Variants in CALN1 observed in about 807,000 individuals in gnomAD.
CALN1 encodes calcium-binding protein 8.
CALN1 carries 17 observed loss-of-function variants against 30.6 expected under a neutral mutation model. The ratio of observed to expected loss-of-function variants is 0.56; its 90% CI spans 0.38 to 0.83. CALN1 has a LOEUF of 0.83. Among genes scored for constraint, CALN1 ranks in the 40% least tolerant of loss-of-function variants. CALN1 has a pLI of 0.00. For missense variants in CALN1, 291 were observed against 354.9 expected (o/e 0.82, Z 1.45); for synonymous variants, 156 against 131.4 (o/e 1.19, Z -1.28).
At chr7:72,054,480 CATATATATATACAT>C (rs1803090102) in intron 4 of CALN1, among the ~76,000 whole-genome samples, 1 of 73,610 alleles carries the variant, frequency 1.4e-5, no homozygotes, top group Non-Finnish European at 2.4e-5. Flanking sequence ...TATATACATA[CATATATATATACAT>C]ATATACATAT....
chr7:72,074,355 C>G (rs1804595583), intron 4 of CALN1, among the ~76,000 whole-genome samples: 1 of 152,164 alleles, frequency 6.6e-6, no homozygotes, highest in Non-Finnish European at 1.5e-5. Flanking sequence ...CCTCTCAGGG[C>G]CACCTCAATG....
At chr7:71,934,697 C>G (rs776071749) in intron 5 of CALN1, among the ~76,000 whole-genome samples, 7 of 152,252 alleles carry the variant, frequency 4.6e-5, no homozygotes, top group Non-Finnish European at 8.8e-5. Context: ...ACCTCCAACA[C>G]TGAGGGTTGT....
At chr7:72,162,137 A>G (rs1339679708) in intron 3 of CALN1, among the ~76,000 whole-genome samples, 3 of 151,940 alleles carry the variant, frequency 2.0e-5, no homozygotes, top group African/African-American at 7.2e-5. Context: ...AATAAATTAC[A>G]TCTTTGCTAC....
chr7:71,902,969 G>T (rs1793941158), intron 5 of CALN1, among the ~76,000 whole-genome samples: 1 of 151,834 alleles, frequency 6.6e-6, no homozygotes, highest in African/African-American at 2.4e-5. Flanking sequence ...TTGGAAGCTT[G>T]GAAGGGTAGG....
chr7:72,476,977 A>T, the CALN1 span, among the ~76,000 whole-genome samples: 1 of 152,216 alleles, frequency 6.6e-6, no homozygotes, highest in East Asian at 1.9e-4. Context: ...TTGGGAGGCC[A>T]AGGCAGGTGG....
rs564854440 is a variant in CALN1 at position 72,313,430 on chromosome 7, C to G, written c.120-34620G>C. Reference sequence around the variant, plus strand: ...TCTTTGAGACAGAGTATCACTGTGTCACCCAGGCTGAAGTGGAGTGATACA... The same window carrying G: ...TCTTTGAGACAGAGTATCACTGTGTGACCCAGGCTGAAGTGGAGTGATACA... On this transcript the variant is annotated intron_variant, in intron 2 of 6. Coordinates refer to ENST00000395275, the MANE Select transcript of CALN1 (RefSeq NM_031468.4). Among the ~76,000 whole-genome samples, 9 of 152,232 alleles carry G rather than the reference C, an allele frequency of 5.9e-5. No individual in the cohort carries two copies. In the South Asian group the frequency reaches 1.9e-3, roughly 32 times the overall value.
At chr7:72,396,845 A>G (rs2129561744) in intron 2 of CALN1, among the ~76,000 whole-genome samples, 1 of 152,332 alleles carries the variant, frequency 6.6e-6, no homozygotes, top group Admixed American at 6.5e-5. Flanking sequence ...GTTGAAGGTT[A>G]GAAGTATATA....
chr7:72,064,009 C>A (rs1803846943), intron 4 of CALN1, among the ~76,000 whole-genome samples: 1 of 152,188 alleles, frequency 6.6e-6, no homozygotes, highest in Non-Finnish European at 1.5e-5. Context: ...CACGGTGGCT[C>A]ATGCCTGTAA....
At chr7:71,844,030 T>A (rs1199104003) in intron 5 of CALN1, among the ~76,000 whole-genome samples, 1 of 152,174 alleles carries the variant, frequency 6.6e-6, no homozygotes, top group African/African-American at 2.4e-5. Context: ...CTGGGCATTC[T>A]GGCATTTATA....
At chr7:72,154,649 T>C (rs763180468) in intron 3 of CALN1, among the ~76,000 whole-genome samples, 1 of 152,114 alleles carries the variant, frequency 6.6e-6, no homozygotes, top group Non-Finnish European at 1.5e-5. Flanking sequence ...AAAACTCAGA[T>C]GTTGAAGTCC....
At chr7:72,360,140 A>AAC (rs1803487810) in intron 2 of CALN1, among the ~76,000 whole-genome samples, 2 of 152,168 alleles carry the variant, frequency 1.3e-5, no homozygotes, top group African/African-American at 4.8e-5. Context: ...TATAAAGGAC[A>AAC]TTATTGCAAC....
the CALN1 span, among the ~76,000 whole-genome samples, chr7:72,491,083 A>T: frequency 6.6e-6 from 1 of 152,114 alleles, no homozygotes; most frequent in African/African-American, 2.4e-5. Flanking sequence ...TCTCTACTAA[A>T]AATACAAAAA....
At chr7:72,290,225 G>C (rs1417544892) in intron 2 of CALN1, among the ~76,000 whole-genome samples, 1 of 151,166 alleles carries the variant, frequency 6.6e-6, no homozygotes, top group Admixed American at 6.6e-5. Context: ...CATGTCACTG[G>C]CTGTTTCCTT....
chr7:71,828,414 C>T (rs888358258), intron 5 of CALN1, among the ~76,000 whole-genome samples: 3 of 152,012 alleles, frequency 2.0e-5, no homozygotes, highest in Non-Finnish European at 4.4e-5. Flanking sequence ...TGCAAAGATT[C>T]GCCTGGATTA....
At chr7:72,272,778 TC>T (rs1797079842) in intron 3 of CALN1, among the ~76,000 whole-genome samples, 1 of 152,110 alleles carries the variant, frequency 6.6e-6, no homozygotes. Context: ...GCCACTGTTT[TC>T]CATGGGAATC....
chr7:72,409,442 T>G, intron 1 of CALN1, among the ~76,000 whole-genome samples: 1 of 144,418 alleles, frequency 6.9e-6, no homozygotes, highest in Non-Finnish European at 1.5e-5. Flanking sequence ...CAGAGTATAA[T>G]CTTAAACGGA....
intron 5 of CALN1, among the ~76,000 whole-genome samples, chr7:71,862,951 T>C (rs1791376247): frequency 6.6e-6 from 1 of 152,158 alleles, no homozygotes. Flanking sequence ...TGAACTTCAA[T>C]AGGGGAACTA....
chr7:72,103,765 G>C (rs535681849), intron 4 of CALN1, among the ~76,000 whole-genome samples: 9 of 152,078 alleles, frequency 5.9e-5, no homozygotes, highest in African/African-American at 9.7e-5. Flanking sequence ...AAATGGAGGG[G>C]GGGGGAAGGA....
chr7:71,897,964 ACAAAAAAC>A (rs1793615318), intron 5 of CALN1, among the ~76,000 whole-genome samples: 1 of 121,286 alleles, frequency 8.2e-6, no homozygotes, highest in Admixed American at 8.8e-5. Flanking sequence ...TTGGAAAAAA[ACAAAAAAC>A]AAAAAAAAAA....
Sources: gnomAD v4.1 joint callset for allele counts (sites outside exome capture counted in the v4.1 genomes callset) on GRCh38, gnomAD v4.1.1 for gene constraint, MANE v1.5 for transcripts, NCBI Gene and HGNC (gene_info 2026-07-23, HGNC 2026-07-21) for gene names.